The following ITPR1 variants were observed in gnomAD, a reference collection of about 807,000 sequenced individuals.
ITPR1 encodes the protein inositol 1,4,5-trisphosphate receptor type 1.
A neutral mutation model predicts 318.4 loss-of-function variants in ITPR1; 96 were observed. The ratio of observed to expected loss-of-function variants is 0.30; its 90% CI spans 0.26 to 0.36. The LOEUF (loss-of-function observed/expected upper bound fraction) is 0.36. Ranked by LOEUF, ITPR1 falls within the 10% of genes least tolerant of loss-of-function variation. The probability of loss-of-function intolerance (pLI) is 1.00; values close to 1 mark genes in which losing one functional copy is unlikely to be tolerated. For missense variants in ITPR1, 2,440 were observed against 3,460.2 expected, an observed-to-expected ratio of 0.71 and a Z score of 7.40; for synonymous variants, 1,312 against 1,289.9, an observed-to-expected ratio of 1.02 and a Z score of -0.37.
At chr3:4,756,179 C>T (rs1415038725) in intron 44 of ITPR1, among the ~76,000 whole-genome samples, 1 of 152,076 alleles carries the variant, frequency 6.6e-6, no homozygotes, top group Non-Finnish European at 1.5e-5. Flanking sequence ...TGTGGAAAGG[C>T]TGGGGATTAC....
At chr3:4,758,646 GT>G (rs1346924741) in intron 44 of ITPR1, among the ~76,000 whole-genome samples, 2 of 152,236 alleles carry the variant, frequency 1.3e-5, no homozygotes, top group Non-Finnish European at 2.9e-5. Context: ...TGTTTACACA[GT>G]TTGATTAGGA....
rs952193456 is a variant in ITPR1 at position 4,836,902 on chromosome 3, C to A, written c.8157C>A (p.Asn2719Lys). 5.0e-6 allele frequency: 8 copies of A among 1,595,162 alleles called. No homozygotes were observed. In the East Asian group the frequency reaches 1.6e-4, roughly 31 times the overall value. The change falls in exon 61 of 62, where the codon AAC (asparagine) becomes AAA (lysine). Residue 2719 changes from asparagine to lysine, a missense_variant. Physicochemically the swap from Asn to Lys is moderately conservative, Grantham distance 94 (BLOSUM62 0). This residue lies in a region of ITPR1 where 63 missense variants were observed against 63.4 expected (regional missense o/e 0.99). Transcript: ENST00000649015. ...KLESTMKLVT[N>K]LSGQLSELKD... ...AGTCCACCATGAAACTTGTCACGAA[C>A]CTTTCTGGCCAGCTGTCGGAATTAA...
chr3:4,636,745 T>C (rs2093203879), intron 5 of ITPR1, among the ~76,000 whole-genome samples: 1 of 152,260 alleles, frequency 6.6e-6, no homozygotes, highest in Non-Finnish European at 1.5e-5. Flanking sequence ...ATCTTTCTTT[T>C]AAGAGAAGTC....
intron 5 of ITPR1, among the ~76,000 whole-genome samples, chr3:4,636,650 A>G (rs1462054146): frequency 6.6e-6 from 1 of 152,070 alleles, no homozygotes; most frequent in Non-Finnish European, 1.5e-5. Context: ...ACTGGTCTCA[A>G]ACTCCTGACC....
At chr3:4,693,406 C>T in intron 32 of ITPR1, 84 bp from the exon 33 acceptor site, 2 of 1,453,592 alleles carry the variant, frequency 1.4e-6, no homozygotes, top group Non-Finnish European at 1.9e-6. Flanking sequence ...AACAGAACCT[C>T]TCTCTTCCTC....
intron 44 of ITPR1, among the ~76,000 whole-genome samples, chr3:4,755,751 G>T (rs540228206): frequency 1.1e-3 from 162 of 152,346 alleles, no homozygotes; most frequent in Non-Finnish European, 1.8e-3. Flanking sequence ...AAGGGCGTCT[G>T]CCCCACCCTT....
At chr3:4,693,864 C>T (rs1349039098) in intron 33 of ITPR1, 123 bp downstream of exon 33, 3 of 985,618 alleles carry the variant, frequency 3.0e-6, no homozygotes, top group Non-Finnish European at 2.9e-6. Flanking sequence ...AGCTGCAGCT[C>T]ATTTTGTAGT....
intron 44 of ITPR1, among the ~76,000 whole-genome samples, chr3:4,744,542 C>T (rs1460930781): frequency 2.0e-5 from 3 of 152,174 alleles, no homozygotes; most frequent in African/African-American, 7.2e-5. Flanking sequence ...TTGGGATTGT[C>T]CTAACTGCTT....
At chr3:4,783,155 T>C (rs953605741) in intron 50 of ITPR1, among the ~76,000 whole-genome samples, 1 of 152,214 alleles carries the variant, frequency 6.6e-6, no homozygotes, top group African/African-American at 2.4e-5. Context: ...TCCTTATGAC[T>C]TCCTTTTGTT....
intron 55 of ITPR1, among the ~76,000 whole-genome samples, 187 bp from the exon 56 acceptor site, chr3:4,811,078 A>G (rs536389099): frequency 6.6e-6 from 1 of 152,016 alleles, no homozygotes; most frequent in Non-Finnish European, 1.5e-5. Flanking sequence ...TTCTGTGTTT[A>G]TTTTTCCTCA....
chr3:4,629,947 T>C (rs981403799), intron 5 of ITPR1, among the ~76,000 whole-genome samples: 2 of 152,156 alleles, frequency 1.3e-5, no homozygotes, highest in Admixed American at 1.3e-4. Flanking sequence ...TGGAATTGCA[T>C]CGTTATTTGA....
chr3:4,526,823 T>G, intron 4 of ITPR1, among the ~76,000 whole-genome samples: 1 of 152,240 alleles, frequency 6.6e-6, no homozygotes, highest in East Asian at 1.9e-4. Flanking sequence ...CAGCCATTTG[T>G]ACTCCATGAG....
chr3:4,712,367 G>A (rs1042696519), intron 39 of ITPR1, among the ~76,000 whole-genome samples: 9 of 152,204 alleles, frequency 5.9e-5, no homozygotes, highest in African/African-American at 1.9e-4. Flanking sequence ...GGACAGTCCC[G>A]TGACCTGATT....
intron 44 of ITPR1, 104 bp downstream of exon 44, chr3:4,735,458 C>A: frequency 2.1e-6 from 2 of 938,752 alleles, no homozygotes; most frequent in Non-Finnish European, 1.7e-6. Flanking sequence ...GTTTGAGAGA[C>A]AGCTCATTCT....
In ITPR1 at chr3:4,683,743, G is replaced by A. The variant is rs2094340746; in HGVS notation, c.3443G>A (p.Gly1148Asp). ...GAGCTTTGGGTGTACAAAGGGCAGGGCCCCGATGAGACTATGGATGGTGCA... is the reference window on the plus strand; with the variant it reads ...GAGCTTTGGGTGTACAAAGGGCAGGACCCCGATGAGACTATGGATGGTGCA... Reference protein sequence around the residue: ...KSELWVYKGQGPDETMDGASG... With the variant: ...KSELWVYKGQDPDETMDGASG... Residue 1148 changes from glycine to aspartate, a missense_variant, in exon 28 of 62, where the codon GGC becomes GAC. Coordinates refer to ENST00000649015, the MANE Select transcript of ITPR1 (RefSeq NM_001378452.1). The A allele has an allele frequency of 6.2e-7, 1 of 1,613,904 alleles. No individual in the cohort carries two copies. The highest frequency in any genetic ancestry group is 8.5e-7 in the Non-Finnish European group (1 of 1,179,886).
intron 54 of ITPR1, among the ~76,000 whole-genome samples, chr3:4,803,279 G>C (rs984528572): frequency 6.6e-6 from 1 of 151,774 alleles, no homozygotes; most frequent in African/African-American, 2.4e-5. Context: ...TAACAGATTT[G>C]GGGGGGACAC....
At chr3:4,830,455 AAAT>A (rs1196527437) in intron 60 of ITPR1, among the ~76,000 whole-genome samples, 1 of 152,140 alleles carries the variant, frequency 6.6e-6, no homozygotes, top group African/African-American at 2.4e-5. Context: ...TCTTCAATGA[AAAT>A]AATCACCCTA....
At chr3:4,674,498 A>G (rs770099909) in intron 22 of ITPR1, among the ~76,000 whole-genome samples, 155 bp downstream of exon 22, 1 of 152,254 alleles carries the variant, frequency 6.6e-6, no homozygotes, top group Non-Finnish European at 1.5e-5. Context: ...GTTCCAGAAT[A>G]AAATAAAACG....
At chr3:4,679,301 T>G (rs1321566672) in intron 24 of ITPR1, among the ~76,000 whole-genome samples, 8 of 150,634 alleles carry the variant, frequency 5.3e-5, no homozygotes, top group South Asian at 4.3e-4. Context: ...CAAGAGGGGG[T>G]TTATTATGGG....
Sources: allele counts gnomAD v4.1 joint callset (sites outside exome capture counted in the v4.1 genomes callset), GRCh38; gene constraint gnomAD v4.1.1; regional missense constraint gnomAD v4.1.1; transcripts MANE v1.5; gene names NCBI Gene and HGNC (gene_info 2026-07-23, HGNC 2026-07-21).